The following UBE3C variants were observed in gnomAD, a reference collection of about 807,000 sequenced individuals.
UBE3C encodes ubiquitin-protein ligase E3C.
In UBE3C, 42 loss-of-function variants were observed where a neutral mutation model predicts 129.4. The ratio of observed to expected loss-of-function variants is 0.32; its 90% CI spans 0.25 to 0.42. UBE3C has a LOEUF of 0.42. Ranked by LOEUF, UBE3C falls within the 10% of genes least tolerant of loss-of-function variation. The pLI, the probability that UBE3C is intolerant of heterozygous loss-of-function variation, is 1.00. For synonymous variants in UBE3C, 510 were observed against 492.4 expected (o/e 1.04, Z -0.47); for missense variants, 1,049 against 1,319.1 (o/e 0.80, Z 3.17).
intron 1 of UBE3C, among the ~76,000 whole-genome samples, chr7:157,144,652 G>A (rs962570630): frequency 6.6e-6 from 1 of 151,588 alleles, no homozygotes; most frequent in African/African-American, 2.4e-5. Flanking sequence ...AGTGGGAGTA[G>A]AATTAAGATC....
At position 157,139,327 on chromosome 7, in the gene UBE3C, G is replaced by A. The variant is rs760201352; in HGVS notation, c.55G>A (p.Ala19Thr). 2 of 1,582,608 alleles carry A rather than the reference G, an allele frequency of 1.3e-6. No homozygotes were observed. Among genetic ancestry groups the A allele is most frequent in the South Asian group, 2.3e-5 (2 of 88,506 alleles). Residue 19 changes from alanine (A) to threonine (T), a missense_variant, in exon 1 of 23, where the codon GCG becomes ACG. Physicochemically the swap from Ala to Thr is moderately conservative, Grantham distance 58. Coordinates refer to ENST00000348165, the MANE Select transcript of UBE3C (RefSeq NM_014671.3). ...KTRPKVSLGGASRKEEKASLL... is the reference protein window; with the variant it reads ...KTRPKVSLGGTSRKEEKASLL... ...GCGGCCCAAGGTGTCCCTTGGCGGC[G>A]CGAGCAGGAAGGTGAGGGCCGGGCT...
At chr7:157,221,939 G>C (rs1459398006) in intron 15 of UBE3C, 1 of 151,692 alleles carries the variant, frequency 6.6e-6, no homozygotes, top group South Asian at 2.1e-4. Context: ...GCGCAATCAC[G>C]GCTCACTGCA....
rs191985774 is a variant in UBE3C at position 157,185,184 on chromosome 7, C to T, written c.1143+1155C>T. Among the ~76,000 whole-genome samples, 30 of 152,338 alleles carry T rather than the reference C, an allele frequency of 2.0e-4. No homozygotes were observed. In the East Asian group the frequency reaches 5.6e-3, roughly 28 times the overall value. On this transcript the variant is annotated intron_variant, in intron 9 of 22. Coordinates refer to ENST00000348165, the MANE Select transcript of UBE3C (RefSeq NM_014671.3). ...ATGTGAAGATGAGGCTGTGGGCTTTCTCAGCGAGAGAGAGGACAGGTTTTT... is the reference window on the plus strand; with the variant it reads ...ATGTGAAGATGAGGCTGTGGGCTTTTTCAGCGAGAGAGAGGACAGGTTTTT...
At chr7:157,181,930 A>C (rs1808676281) in intron 7 of UBE3C, among the ~76,000 whole-genome samples, 178 bp from the exon 8 acceptor site, 2 of 152,250 alleles carry the variant, frequency 1.3e-5, no homozygotes, top group African/African-American at 4.8e-5. Flanking sequence ...AGTTATCTTA[A>C]TAGAGAAGAC....
chr7:157,200,400 G>C (rs896385250), intron 10 of UBE3C, among the ~76,000 whole-genome samples: 6 of 151,996 alleles, frequency 3.9e-5, no homozygotes, highest in Non-Finnish European at 5.9e-5. Flanking sequence ...TTGATGTTTT[G>C]GATTGAGTGC....
intron 19 of UBE3C, among the ~76,000 whole-genome samples, chr7:157,251,509 G>A (rs1796619053): frequency 6.6e-6 from 1 of 152,200 alleles, no homozygotes; most frequent in African/African-American, 2.4e-5. Context: ...GAGGCTTAAG[G>A]AAGTCACAAG....
intron 13 of UBE3C, among the ~76,000 whole-genome samples, chr7:157,215,504 A>G (rs1355249936): frequency 1.3e-5 from 2 of 148,172 alleles, no homozygotes; most frequent in Admixed American, 6.8e-5. Flanking sequence ...CATAGTATAT[A>G]TTATACAATT....
At chr7:157,229,438 C>T (rs1004611851) in intron 17 of UBE3C, among the ~76,000 whole-genome samples, 6 of 151,918 alleles carry the variant, frequency 3.9e-5, no homozygotes, top group Admixed American at 2.6e-4. Flanking sequence ...CCTCAGCCTC[C>T]TGAGTAGCTG....
In UBE3C at chr7:157,247,814, C is replaced by T. The variant is rs572652273; in HGVS notation, c.2482-554C>T. ...CCATGGCTGCTTTTGTGCTGCAGGG[C>T]AGAGTGGCATATGCGGTTATGAACT... On this transcript the variant is annotated intron_variant, in intron 18 of 22. Transcript: ENST00000348165. Among the ~76,000 whole-genome samples, 17 of 152,326 alleles carry T rather than the reference C, an allele frequency of 1.1e-4. No individual in the cohort carries two copies. The South Asian group carries it at 3.5e-3, about 32-fold the overall frequency.
At chr7:157,258,615 A>T (rs1056456134) in intron 22 of UBE3C, among the ~76,000 whole-genome samples, 4 of 152,082 alleles carry the variant, frequency 2.6e-5, no homozygotes, top group Non-Finnish European at 5.9e-5. Context: ...GTGCGCCTCC[A>T]TGCCCGGCTA....
At chr7:157,255,309 G>C (rs1274260963) in intron 21 of UBE3C, among the ~76,000 whole-genome samples, 1 of 152,164 alleles carries the variant, frequency 6.6e-6, no homozygotes, top group Non-Finnish European at 1.5e-5. Flanking sequence ...GCTGTCTACT[G>C]GTGCAAGTGA....
chr7:157,266,911 T>C (rs1270736250), intron 22 of UBE3C, among the ~76,000 whole-genome samples: 2 of 152,064 alleles, frequency 1.3e-5, no homozygotes, highest in African/African-American at 4.8e-5. Context: ...ATTGTTTTGA[T>C]TTTTATTTTT....
intron 19 of UBE3C, among the ~76,000 whole-genome samples, chr7:157,253,293 C>T (rs189478798): frequency 2.0e-4 from 31 of 152,260 alleles, no homozygotes; most frequent in African/African-American, 5.1e-4. Flanking sequence ...TCTGTGTTTC[C>T]GCTGTGTTGC....
chr7:157,176,407 T>C (rs1302881379), intron 5 of UBE3C, among the ~76,000 whole-genome samples: 3 of 152,230 alleles, frequency 2.0e-5, no homozygotes, highest in Admixed American at 1.3e-4. Context: ...CTCAAGTAGC[T>C]GGGACCACAG....
At chr7:157,176,405 G>A (rs1808518740) in intron 5 of UBE3C, among the ~76,000 whole-genome samples, 1 of 152,300 alleles carries the variant, frequency 6.6e-6, no homozygotes, top group East Asian at 1.9e-4. Context: ...CTCTCAAGTA[G>A]CTGGGACCAC....
Position 157,182,332 on chromosome 7 carries a change from T to C in UBE3C, c.991+4T>C. On this transcript the variant is annotated splice_donor_region_variant and intron_variant, in intron 8 of 22. Coordinates refer to ENST00000348165, the MANE Select transcript of UBE3C (RefSeq NM_014671.3). ...ACTGTTGGCGAAAATTATTTGGGTA[T>C]GAAATACAAGATCTTTTTTACCTGA... 1 of 1,613,006 alleles carries C rather than the reference T, an allele frequency of 6.2e-7. No individual in the cohort carries two copies. Among genetic ancestry groups the C allele is most frequent in the Non-Finnish European group, 8.5e-7 (1 of 1,179,704 alleles).
intron 18 of UBE3C, among the ~76,000 whole-genome samples, chr7:157,242,870 C>T (rs570707134): frequency 9.3e-4 from 142 of 152,180 alleles, no homozygotes; most frequent in Non-Finnish European, 1.7e-3. Flanking sequence ...GCCTGACCAA[C>T]ATGGTGAAAC....
chr7:157,174,940 A>C lies in UBE3C; in HGVS notation c.364A>C (p.Ile122Leu). Residue 122 changes from isoleucine to leucine, a missense_variant, in exon 5 of 23, where the codon ATT (isoleucine) becomes CTT (leucine). Physicochemically the swap from Ile to Leu is conservative, Grantham distance 5. Transcript: ENST00000348165. ...TCAGATATGGCTGTATCAGAACTTA[A>C]TTAAACACAGCTCTCTGTTTGTCAA... is the stretch of plus-strand genomic sequence containing the variant. ...KRLIWLYQNL[I>L]KHSSLFVKQL... 6.2e-7 allele frequency: 1 copy of C among 1,611,650 alleles called. No individual in the cohort carries two copies. The highest frequency in any genetic ancestry group is 8.5e-7 in the Non-Finnish European group (1 of 1,179,082).
intron 9 of UBE3C, among the ~76,000 whole-genome samples, chr7:157,186,401 G>A (rs1363172408): frequency 6.7e-6 from 1 of 148,488 alleles, no homozygotes; most frequent in East Asian, 2.0e-4. Context: ...CTGGGTGACA[G>A]AGCAAGACTG....
Sources: allele counts gnomAD v4.1 joint callset (sites outside exome capture counted in the v4.1 genomes callset), GRCh38; gene constraint gnomAD v4.1.1; transcripts MANE v1.5; gene names NCBI Gene and HGNC (gene_info 2026-07-23, HGNC 2026-07-21).